Variants in MAN1A2 observed in about 807,000 individuals in gnomAD.
MAN1A2 encodes the protein mannosyl-oligosaccharide 1,2-alpha-mannosidase IB.
Under a neutral mutation model 75.7 loss-of-function variants are expected in MAN1A2, and 26 were observed. The observed-to-expected ratio is 0.34, with a 90% CI of 0.25 to 0.48. The LOEUF (loss-of-function observed/expected upper bound fraction) is 0.48. Ranked by LOEUF, MAN1A2 falls within the 20% of genes least tolerant of loss-of-function variation. MAN1A2 has a pLI of 0.99. For missense variants in MAN1A2, 562 were observed against 775.5 expected, an observed-to-expected ratio of 0.72 and a Z score of 3.27; for synonymous variants, 247 against 264.6, an observed-to-expected ratio of 0.93 and a Z score of 0.65.
intron 6 of MAN1A2, among the ~76,000 whole-genome samples, chr1:117,450,775 G>A (rs996731764): frequency 2.0e-5 from 3 of 152,210 alleles, no homozygotes; most frequent in African/African-American, 4.8e-5. Context: ...TGTTGAGCCT[G>A]CCAGTGCACA....
intron 5 of MAN1A2, among the ~76,000 whole-genome samples, chr1:117,432,026 C>T (rs938807241): frequency 2.0e-5 from 3 of 152,122 alleles, no homozygotes; most frequent in African/African-American, 7.2e-5. Context: ...TCAGGAAAAA[C>T]TTCAAATATT....
intron 7 of MAN1A2, among the ~76,000 whole-genome samples, chr1:117,464,925 A>G (rs939951458): frequency 6.6e-6 from 1 of 152,208 alleles, no homozygotes; most frequent in Non-Finnish European, 1.5e-5. Context: ...TTATACAAAG[A>G]TATTACCAGA....
chr1:117,414,931 T>C (rs1284292981), intron 4 of MAN1A2, 100 bp downstream of exon 4: 2 of 703,580 alleles, frequency 2.8e-6, no homozygotes, highest in Non-Finnish European at 5.0e-6. Flanking sequence ...AAAATTCATA[T>C]GTTGAAACCT....
At chr1:117,382,983 T>C (rs1653401968) in intron 1 of MAN1A2, among the ~76,000 whole-genome samples, 1 of 152,200 alleles carries the variant, frequency 6.6e-6, no homozygotes, top group African/African-American at 2.4e-5. Context: ...GTGAATTGAA[T>C]TGATTTTACT....
intron 1 of MAN1A2, among the ~76,000 whole-genome samples, chr1:117,389,383 C>T (rs530097435): frequency 1.3e-5 from 2 of 152,242 alleles, no homozygotes; most frequent in East Asian, 3.9e-4. Flanking sequence ...GAGTGTGCAA[C>T]CTAGATCCCT....
At chr1:117,369,384 T>G (rs1652876914) in intron 1 of MAN1A2, among the ~76,000 whole-genome samples, 1 of 152,218 alleles carries the variant, frequency 6.6e-6, no homozygotes, top group Non-Finnish European at 1.5e-5. Flanking sequence ...AAACCTGCCA[T>G]CTTTTCCTTG....
At chr1:117,369,411 T>C (rs1336049658) in intron 1 of MAN1A2, among the ~76,000 whole-genome samples, 1 of 152,246 alleles carries the variant, frequency 6.6e-6, no homozygotes, top group East Asian at 1.9e-4. Flanking sequence ...AAAATAATTC[T>C]TGAGTATGTG....
At chr1:117,435,154 T>G (rs1019548118) in intron 5 of MAN1A2, among the ~76,000 whole-genome samples, 1 of 152,074 alleles carries the variant, frequency 6.6e-6, no homozygotes, top group African/African-American at 2.4e-5. Context: ...TGGTGTTCAA[T>G]GGAGAAGTAT....
At chr1:117,420,800 G>A (rs1648161091) in intron 5 of MAN1A2, 151 bp downstream of exon 5, 13 of 585,944 alleles carry the variant, frequency 2.2e-5, no homozygotes, top group Admixed American at 1.6e-4. Context: ...CTATTCCTTG[G>A]GAATAATAAT....
chr1:117,421,213 T>C (rs766079639), intron 5 of MAN1A2, among the ~76,000 whole-genome samples: 5 of 151,934 alleles, frequency 3.3e-5, no homozygotes, highest in Non-Finnish European at 7.4e-5. Flanking sequence ...GGTTGAAGAG[T>C]GGGAGAAAGA....
Position 117,499,505 on chromosome 1 carries a change from G to C in MAN1A2, c.1628G>C (p.Arg543Pro). The C allele has an allele frequency of 6.2e-7, 1 of 1,607,692 alleles. No homozygotes were observed. The highest frequency in any genetic ancestry group is 8.5e-7 in the Non-Finnish European group (1 of 1,176,852). Residue 543 changes from arginine (R) to proline (P), a missense_variant, in exon 11 of 13, where the codon CGA (arginine) becomes CCA (proline). By Grantham distance (103) the Arg-to-Pro change is moderately radical (BLOSUM62 -2). Transcript: ENST00000356554. Reference sequence around the variant, plus strand: ...ATTGAAACCTATTGGTACCTATGGCGATTCACTCACGATCCAAGATACAGG... The same window carrying C: ...ATTGAAACCTATTGGTACCTATGGCCATTCACTCACGATCCAAGATACAGG... ...EVIETYWYLW[R>P]FTHDPRYRQW...
chr1:117,404,779 G>A (rs983608610), intron 2 of MAN1A2, among the ~76,000 whole-genome samples: 1 of 152,088 alleles, frequency 6.6e-6, no homozygotes, highest in Non-Finnish European at 1.5e-5. Flanking sequence ...TTTAGGCTGG[G>A]CATGGTGGCT....
chr1:117,502,806 A>G, intron 11 of MAN1A2, 49 bp from the exon 12 acceptor site: 2 of 1,001,564 alleles, frequency 2.0e-6, no homozygotes, highest in Non-Finnish European at 3.1e-6. Context: ...TTGTCCTTCA[A>G]AACTTGAAAT....
In MAN1A2 at chr1:117,467,683, C is replaced by CGTA. The variant is rs557134740; in HGVS notation, c.1168+1259_1168+1261dup. On this transcript the variant is annotated intron_variant, in intron 8 of 12. Coordinates refer to ENST00000356554, the MANE Select transcript of MAN1A2 (RefSeq NM_006699.5). Reference sequence around the variant, plus strand: ...GAGCTGCATTTCTAAAATGTAAAAACGTAGTTTTCTTATTTCAGATAAGAG... The same window carrying CGTA: ...GAGCTGCATTTCTAAAATGTAAAAACGTAGTAGTTTTCTTATTTCAGATAAGAG... 2.3e-3 allele frequency among the ~76,000 whole-genome samples: 357 copies of CGTA among 152,084 alleles called. 2 individuals are homozygous for CGTA. Among genetic ancestry groups the CGTA allele is most frequent in the African/African-American group, 7.9e-3 (327 of 41,504 alleles).
intron 3 of MAN1A2, among the ~76,000 whole-genome samples, chr1:117,407,449 G>T (rs954668946): frequency 2.6e-5 from 4 of 151,652 alleles, no homozygotes; most frequent in African/African-American, 9.7e-5. Context: ...AGTTCTCAGT[G>T]TCTCATTTGA....
chr1:117,512,155 C>T (rs781384283), intron 12 of MAN1A2, among the ~76,000 whole-genome samples: 3 of 151,910 alleles, frequency 2.0e-5, no homozygotes, highest in Non-Finnish European at 4.4e-5. Flanking sequence ...GATAATGAGT[C>T]AAAGAATTGA....
intron 6 of MAN1A2, among the ~76,000 whole-genome samples, chr1:117,456,935 A>C (rs1649599865): frequency 6.6e-6 from 1 of 152,074 alleles, no homozygotes; most frequent in African/African-American, 2.4e-5. Context: ...CTTCAACTTA[A>C]GCTTACACAT....
chr1:117,442,713 C>G (rs1223932262), intron 6 of MAN1A2, among the ~76,000 whole-genome samples: 1 of 152,074 alleles, frequency 6.6e-6, no homozygotes, highest in African/African-American at 2.4e-5. Flanking sequence ...TCCTGATCTT[C>G]TAAGTGAAAA....
intron 6 of MAN1A2, among the ~76,000 whole-genome samples, chr1:117,454,244 T>C (rs916728964): frequency 6.6e-6 from 1 of 152,190 alleles, no homozygotes; most frequent in Admixed American, 6.5e-5. Flanking sequence ...AAAGAAGTAA[T>C]GTCTAGAAAT....
Sources: allele counts gnomAD v4.1 joint callset (sites outside exome capture counted in the v4.1 genomes callset), GRCh38; gene constraint gnomAD v4.1.1; transcripts MANE v1.5; gene names NCBI Gene and HGNC (gene_info 2026-07-23, HGNC 2026-07-21).